Variants in PPP2R2B observed in about 807,000 individuals in gnomAD.
PPP2R2B encodes the protein protein phosphatase 2 regulatory subunit Bbeta.
Under a neutral mutation model 46.0 loss-of-function variants are expected in PPP2R2B, and 5 were observed. The observed-to-expected ratio is 0.11, with a 90% confidence interval of 0.06 to 0.23. The LOEUF is 0.23. Ranked by LOEUF, PPP2R2B falls within the 10% of genes least tolerant of loss-of-function variation. The pLI is 1.00. For synonymous variants in PPP2R2B, 215 were observed against 206.7 expected, an observed-to-expected ratio of 1.04 and a Z score of -0.34; for missense variants, 367 against 575.0, an observed-to-expected ratio of 0.64 and a Z score of 3.70.
At chr5:146,773,457 A>G (rs573950786) in intron 2 of PPP2R2B, among the ~76,000 whole-genome samples, 1 of 152,352 alleles carries the variant, frequency 6.6e-6, no homozygotes, top group South Asian at 2.1e-4. Flanking sequence ...AGCAGTGGAA[A>G]TGGCCTCACA....
intron 1 of PPP2R2B, among the ~76,000 whole-genome samples, chr5:147,054,136 G>T (rs1756959688): frequency 6.6e-6 from 1 of 152,182 alleles, no homozygotes; most frequent in Non-Finnish European, 1.5e-5. Context: ...AAAAGTTCTT[G>T]TTGTAGCAGG....
At chr5:146,643,230 C>T (rs1775340795) in intron 6 of PPP2R2B, among the ~76,000 whole-genome samples, 1 of 152,066 alleles carries the variant, frequency 6.6e-6, no homozygotes, top group South Asian at 2.1e-4. Flanking sequence ...GGCCCATTCA[C>T]TCATTTCTTT....
chr5:146,703,224 C>T (rs1042303766), intron 2 of PPP2R2B, among the ~76,000 whole-genome samples: 2 of 152,148 alleles, frequency 1.3e-5, no homozygotes, highest in African/African-American at 2.4e-5. Flanking sequence ...CAGCCTAAAG[C>T]GGGCATGTCT....
intron 4 of PPP2R2B, among the ~76,000 whole-genome samples, chr5:146,696,062 T>G (rs1779156753): frequency 6.6e-6 from 1 of 152,112 alleles, no homozygotes; most frequent in South Asian, 2.1e-4. Context: ...ATTTCACTGA[T>G]TTTTTCCCAT....
intron 1 of PPP2R2B, among the ~76,000 whole-genome samples, chr5:147,012,349 T>G (rs1022341664): frequency 7.2e-5 from 11 of 152,188 alleles, no homozygotes; most frequent in African/African-American, 2.7e-4. Context: ...CTTCTAGATT[T>G]TCTAGTTTAT....
intron 2 of PPP2R2B, among the ~76,000 whole-genome samples, chr5:146,760,546 T>C (rs138145150): frequency 6.5e-4 from 99 of 152,254 alleles, no homozygotes; most frequent in Non-Finnish European, 1.1e-3. Context: ...CTGTATGTGA[T>C]GAATTATCAA....
At chr5:146,710,020 C>T (rs962816537) in intron 2 of PPP2R2B, among the ~76,000 whole-genome samples, 8 of 152,202 alleles carry the variant, frequency 5.3e-5, no homozygotes, top group African/African-American at 1.7e-4. Context: ...CCACTTTACT[C>T]TACCACACAA....
chr5:146,748,821 G>A (rs1753355155), intron 2 of PPP2R2B, among the ~76,000 whole-genome samples: 1 of 152,188 alleles, frequency 6.6e-6, no homozygotes, highest in Admixed American at 6.5e-5. Flanking sequence ...TGGTAATTAT[G>A]AATAATGCTG....
intron 1 of PPP2R2B, among the ~76,000 whole-genome samples, chr5:146,987,296 G>A (rs1359002103): frequency 6.6e-6 from 1 of 152,050 alleles, no homozygotes; most frequent in African/African-American, 2.4e-5. Flanking sequence ...TGTGCAACAA[G>A]ACACATGTGC....
Position 146,774,471 on chromosome 5 carries a change from G to T in PPP2R2B, c.71-73329C>A, listed in dbSNP as rs904789414. On this transcript the variant is annotated intron_variant, in intron 2 of 9. Coordinates refer to ENST00000394411, the MANE Select transcript of PPP2R2B (RefSeq NM_181675.4). Reference sequence around the variant, plus strand: ...GAGAGAGACAAAAATAAAGTGGGGGGTTGTATACTAACATTATTACTGAGT... The same window carrying T: ...GAGAGAGACAAAAATAAAGTGGGGGTTTGTATACTAACATTATTACTGAGT... Among the ~76,000 whole-genome samples, 12 of 151,896 alleles carry T rather than the reference G, an allele frequency of 7.9e-5. No individual in the cohort carries two copies. The South Asian group carries it at 2.5e-3, about 32-fold the overall frequency.
At chr5:146,707,210 T>C (rs1779918031) in intron 2 of PPP2R2B, 3 of 1,573,842 alleles carry the variant, frequency 1.9e-6, no homozygotes, top group Non-Finnish European at 2.6e-6. Context: ...TTGTCCATGT[T>C]GCTCCCAGCC....
intron 3 of PPP2R2B, among the ~76,000 whole-genome samples, chr5:146,699,661 GTTTTTTTTT>G (rs11388336): frequency 3.6e-4 from 43 of 118,064 alleles, no homozygotes; most frequent in African/African-American, 9.1e-4. Context: ...AACTTAATTG[GTTTTTTTTT>G]TTTTTTTTTT....
At chr5:146,681,745 G>T (rs989800080) in intron 5 of PPP2R2B, among the ~76,000 whole-genome samples, 2 of 152,118 alleles carry the variant, frequency 1.3e-5, no homozygotes, top group African/African-American at 4.8e-5. Flanking sequence ...GCCCTAAAAA[G>T]GCCAGAACTC....
chr5:146,686,062 T>G (rs1475747101), intron 5 of PPP2R2B, among the ~76,000 whole-genome samples: 1 of 152,190 alleles, frequency 6.6e-6, no homozygotes, highest in Non-Finnish European at 1.5e-5. Context: ...GGACTAGGTT[T>G]GAATTCCAGC....
At chr5:146,681,633 G>C (rs907553624) in intron 5 of PPP2R2B, among the ~76,000 whole-genome samples, 3 of 152,174 alleles carry the variant, frequency 2.0e-5, no homozygotes, top group Non-Finnish European at 4.4e-5. Flanking sequence ...CCCTTTAAAT[G>C]AAAAGATGGG....
At chr5:147,060,522 G>C (rs183730835), upstream of PPP2R2B, among the ~76,000 whole-genome samples, 2 of 152,238 alleles carry the variant, frequency 1.3e-5, no homozygotes, top group East Asian at 1.9e-4. Context: ...CTGCCACTTG[G>C]GGGGCTGAAG....
At chr5:146,992,046 C>T (rs1753718625) in intron 1 of PPP2R2B, among the ~76,000 whole-genome samples, 2 of 151,966 alleles carry the variant, frequency 1.3e-5, no homozygotes. Flanking sequence ...TATGGAACTA[C>T]AAAAAATCCC....
intron 3 of PPP2R2B, among the ~76,000 whole-genome samples, chr5:146,699,870 T>A (rs1437172686): frequency 6.6e-6 from 1 of 152,038 alleles, no homozygotes; most frequent in Non-Finnish European, 1.5e-5. Context: ...CCAGACCAAT[T>A]AGCACTAGGC....
chr5:146,958,011 T>C (rs1751993297), intron 1 of PPP2R2B, among the ~76,000 whole-genome samples: 1 of 151,896 alleles, frequency 6.6e-6, no homozygotes, highest in Non-Finnish European at 1.5e-5. Flanking sequence ...GGTCGAATAA[T>C]GAGGGAAGTA....
Sources: gnomAD v4.1 joint callset for allele counts (sites outside exome capture counted in the v4.1 genomes callset) on GRCh38, gnomAD v4.1.1 for gene constraint, MANE v1.5 for transcripts, NCBI Gene and HGNC (gene_info 2026-07-23, HGNC 2026-07-21) for gene names.